RIMS2: variants seen among roughly 807,000 people sequenced by gnomAD.
RIMS2 encodes regulating synaptic membrane exocytosis 2.
In RIMS2, 59 loss-of-function variants were observed where a neutral mutation model predicts 174.4. That is an observed-to-expected ratio of 0.34 (90% CI 0.27 to 0.42). The LOEUF (loss-of-function observed/expected upper bound fraction) is 0.42. Among genes scored for constraint, RIMS2 ranks in the 10% least tolerant of loss-of-function variants. The pLI is 1.00. For missense variants in RIMS2, 1,620 were observed against 1,666.3 expected, an observed-to-expected ratio of 0.97 and a Z score of 0.48; for synonymous variants, 606 against 572.5, an observed-to-expected ratio of 1.06 and a Z score of -0.84.
intron 1 of RIMS2, among the ~76,000 whole-genome samples, chr8:103,633,876 C>T (rs1220375947): frequency 1.3e-5 from 2 of 152,096 alleles, no homozygotes; most frequent in East Asian, 1.9e-4. Context: ...TCAGTAGTAA[C>T]ATTCCCTTCA....
chr8:103,704,635 C>A (rs545191185), intron 2 of RIMS2, among the ~76,000 whole-genome samples: 1 of 151,968 alleles, frequency 6.6e-6, no homozygotes, highest in African/African-American at 2.4e-5. Flanking sequence ...TTTATTATGG[C>A]TTCAATCTTT....
chr8:104,065,607 A>G (rs928501006), intron 19 of RIMS2, among the ~76,000 whole-genome samples: 2 of 152,146 alleles, frequency 1.3e-5, no homozygotes, highest in Non-Finnish European at 2.9e-5. Flanking sequence ...AAGACTTCAT[A>G]TGAACCAAAT....
chr8:103,931,885 A>G (rs1387862546), intron 12 of RIMS2, among the ~76,000 whole-genome samples: 1 of 152,148 alleles, frequency 6.6e-6, no homozygotes, highest in Non-Finnish European at 1.5e-5. Flanking sequence ...TATCGTCAAG[A>G]AAACTTACCA....
chr8:103,772,061 CA>C (rs1305357817), intron 3 of RIMS2, among the ~76,000 whole-genome samples: 1 of 151,644 alleles, frequency 6.6e-6, no homozygotes, highest in Non-Finnish European at 1.5e-5. Flanking sequence ...TATGACTTTC[CA>C]AATATCTCTG....
intron 14 of RIMS2, among the ~76,000 whole-genome samples, chr8:103,957,857 A>G (rs1454283539): frequency 2.0e-5 from 3 of 152,228 alleles, no homozygotes; most frequent in Admixed American, 6.5e-5. Flanking sequence ...ATGAGATACC[A>G]TCGCACACCA....
intron 4 of RIMS2, among the ~76,000 whole-genome samples, chr8:103,899,683 G>C (rs1397047104): frequency 1.3e-5 from 2 of 151,678 alleles, no homozygotes; most frequent in African/African-American, 4.9e-5. Flanking sequence ...TGTTCACTCT[G>C]ATGGTAGTTT....
At chr8:103,693,241 G>A (rs2097054944) in intron 1 of RIMS2, among the ~76,000 whole-genome samples, 1 of 152,164 alleles carries the variant, frequency 6.6e-6, no homozygotes, top group Non-Finnish European at 1.5e-5. Context: ...CCTGCACCCT[G>A]TGGCTGCTGC....
chr8:103,841,860 C>T (rs1193128034), intron 3 of RIMS2, among the ~76,000 whole-genome samples: 1 of 151,796 alleles, frequency 6.6e-6, no homozygotes, highest in Non-Finnish European at 1.5e-5. Context: ...GAGGCTGAGG[C>T]AGGAGAATTG....
At chr8:103,734,915 T>C (rs932120080) in intron 2 of RIMS2, among the ~76,000 whole-genome samples, 9 of 132,128 alleles carry the variant, frequency 6.8e-5, no homozygotes, top group Non-Finnish European at 1.0e-4. Context: ...CACACTTCTG[T>C]GCCACCGAAG....
chr8:104,140,982 T>G (rs1040782326), intron 19 of RIMS2, among the ~76,000 whole-genome samples: 11 of 152,224 alleles, frequency 7.2e-5, no homozygotes, highest in Non-Finnish European at 1.5e-4. Flanking sequence ...TCATAATTTT[T>G]GGGTACATTT....
chr8:103,925,323 T>C (rs978140332), intron 10 of RIMS2, among the ~76,000 whole-genome samples: 3 of 151,624 alleles, frequency 2.0e-5, no homozygotes, highest in African/African-American at 7.2e-5. Context: ...ATTACAAATA[T>C]CCATTTTATA....
intron 19 of RIMS2, among the ~76,000 whole-genome samples, chr8:104,018,795 A>AT (rs2096000289): frequency 1.3e-5 from 2 of 152,132 alleles, no homozygotes; most frequent in East Asian, 1.9e-4. Flanking sequence ...TTTCCATTAT[A>AT]TTTTTTTCCT....
chr8:103,578,783 C>A (rs1233136320), intron 1 of RIMS2, among the ~76,000 whole-genome samples: 1 of 151,948 alleles, frequency 6.6e-6, no homozygotes, highest in Non-Finnish European at 1.5e-5. Flanking sequence ...AGGCTTATCA[C>A]CTGAGGTCAG....
At chr8:104,147,092 C>T (rs1338324424) in intron 19 of RIMS2, among the ~76,000 whole-genome samples, 8 of 152,006 alleles carry the variant, frequency 5.3e-5, no homozygotes, top group South Asian at 2.1e-4. Context: ...CTCTTTTAAA[C>T]GATAACAAGC....
At chr8:104,032,051 C>G (rs1300927936) in intron 19 of RIMS2, among the ~76,000 whole-genome samples, 4 of 151,976 alleles carry the variant, frequency 2.6e-5, no homozygotes, top group Non-Finnish European at 5.9e-5. Context: ...TGGTCATCCA[C>G]TTTACATATT....
At chr8:104,240,755 G>A (rs1453444949) in intron 19 of RIMS2, among the ~76,000 whole-genome samples, 1 of 152,130 alleles carries the variant, frequency 6.6e-6, no homozygotes, top group East Asian at 1.9e-4. Context: ...GACTCAGAGA[G>A]GACAATAGAT....
At chr8:103,600,656 TAGG>T (rs1332021905) in intron 1 of RIMS2, among the ~76,000 whole-genome samples, 1 of 152,206 alleles carries the variant, frequency 6.6e-6, no homozygotes, top group Non-Finnish European at 1.5e-5. Context: ...ACAACAAACA[TAGG>T]AGTGCAGATC....
intron 14 of RIMS2, among the ~76,000 whole-genome samples, chr8:103,952,105 C>T (rs531381129): frequency 6.6e-6 from 1 of 152,344 alleles, no homozygotes; most frequent in African/African-American, 2.4e-5. Flanking sequence ...CAGCCCCAGT[C>T]AGGGACTTAC....
intron 1 of RIMS2, among the ~76,000 whole-genome samples, chr8:103,644,203 A>T (rs73284478): frequency 6.6e-6 from 1 of 152,238 alleles, no homozygotes; most frequent in African/African-American, 2.4e-5. Context: ...GCAATTAATT[A>T]TAAAGTGTTT....
Sources: allele counts gnomAD v4.1 joint callset (sites outside exome capture counted in the v4.1 genomes callset), GRCh38; gene constraint gnomAD v4.1.1; transcripts MANE v1.5; gene names NCBI Gene and HGNC (gene_info 2026-07-23, HGNC 2026-07-21).